ERO1A: variants seen among roughly 807,000 people sequenced by gnomAD.
ERO1A encodes endoplasmic reticulum oxidoreductase 1 alpha.
A neutral mutation model predicts 76.9 loss-of-function variants in ERO1A; 49 were observed. That is an observed-to-expected ratio of 0.64 (90% CI 0.51 to 0.81). The LOEUF is 0.81. ERO1A is among the 30% of genes least tolerant of loss of function. The pLI, the probability that ERO1A is intolerant of heterozygous loss-of-function variation, is 0.00. For missense variants in ERO1A, 448 were observed against 542.1 expected (o/e 0.83, Z 1.72); for synonymous variants, 174 against 181.2 (o/e 0.96, Z 0.32).
At chr14:52,664,678 T>G (rs1266935933) in intron 7 of ERO1A, among the ~76,000 whole-genome samples, 3 of 152,148 alleles carry the variant, frequency 2.0e-5, no homozygotes, top group Non-Finnish European at 2.9e-5. Flanking sequence ...CTTTTATTAT[T>G]TTTCTTTGAG....
chr14:52,695,279 C>T (rs189401863), intron 1 of ERO1A, 89 bp downstream of exon 1: 1 of 873,946 alleles, frequency 1.1e-6, no homozygotes, highest in Non-Finnish European at 1.5e-6. Flanking sequence ...CAAGGACGCA[C>T]CCCCAGCCGC....
chr14:52,670,375 G>GC (rs1456807809), intron 6 of ERO1A, among the ~76,000 whole-genome samples: 2 of 152,136 alleles, frequency 1.3e-5, no homozygotes, highest in African/African-American at 4.8e-5. Context: ...GATCAGAGTT[G>GC]TTTTTTTGGT....
chr14:52,677,658 T>C (rs1206597180), intron 4 of ERO1A, among the ~76,000 whole-genome samples: 1 of 149,556 alleles, frequency 6.7e-6, no homozygotes, highest in African/African-American at 2.5e-5. Context: ...TGGTCAGGAG[T>C]TTCCACCCTG....
chr14:52,658,916 G>A (rs2040140152), intron 9 of ERO1A, among the ~76,000 whole-genome samples: 1 of 152,120 alleles, frequency 6.6e-6, no homozygotes, highest in Non-Finnish European at 1.5e-5. Context: ...CTACAGAGAT[G>A]ATAAACACTG....
chr14:52,666,832 G>A (rs2040428853), intron 6 of ERO1A, among the ~76,000 whole-genome samples: 1 of 152,194 alleles, frequency 6.6e-6, no homozygotes, highest in South Asian at 2.1e-4. Context: ...TCGAGAGGCT[G>A]CAACAGGAGA....
intron 8 of ERO1A, among the ~76,000 whole-genome samples, chr14:52,663,040 T>A (rs941504265): frequency 3.3e-5 from 5 of 152,142 alleles, no homozygotes; most frequent in Admixed American, 2.0e-4. Flanking sequence ...GAAAGTTTTA[T>A]GGAAAAAGCA....
At chr14:52,682,291 T>G in intron 3 of ERO1A, 34 bp downstream of exon 3, 1 of 1,429,614 alleles carries the variant, frequency 7.0e-7, no homozygotes, top group Non-Finnish European at 9.6e-7. Flanking sequence ...TGAAAAAACA[T>G]GTAACAGTTT....
At chr14:52,678,055 C>T (rs921946787) in intron 4 of ERO1A, among the ~76,000 whole-genome samples, 5 of 151,934 alleles carry the variant, frequency 3.3e-5, no homozygotes, top group Non-Finnish European at 7.4e-5. Context: ...CACCAGAGGT[C>T]GGCAATTCGA....
At chr14:52,645,974 C>T (rs188345505) in intron 15 of ERO1A, among the ~76,000 whole-genome samples, 180 bp downstream of exon 15, 4 of 152,040 alleles carry the variant, frequency 2.6e-5, no homozygotes, top group Admixed American at 6.6e-5. Context: ...AGGTGGAGGT[C>T]GCAGTGAGCC....
At chr14:52,649,246 C>T (rs926509698) in intron 13 of ERO1A, among the ~76,000 whole-genome samples, 4 of 152,122 alleles carry the variant, frequency 2.6e-5, no homozygotes, top group Non-Finnish European at 4.4e-5. Context: ...AAATACTTTA[C>T]AAGTCTTCAA....
chr14:52,647,439 C>G (rs1047610427), intron 13 of ERO1A, among the ~76,000 whole-genome samples: 13 of 151,742 alleles, frequency 8.6e-5, no homozygotes, highest in African/African-American at 3.2e-4. Flanking sequence ...TGCCACATAC[C>G]CACTACCAAG....
At chr14:52,649,776 G>A (rs1240036436) in intron 13 of ERO1A, among the ~76,000 whole-genome samples, 2 of 152,104 alleles carry the variant, frequency 1.3e-5, no homozygotes, top group Non-Finnish European at 2.9e-5. Flanking sequence ...GTATGTATTT[G>A]TAGCAAGAAT....
At chr14:52,665,182 G>A (rs994871015) in intron 7 of ERO1A, among the ~76,000 whole-genome samples, 26 of 151,136 alleles carry the variant, frequency 1.7e-4, no homozygotes, top group South Asian at 4.2e-4. Flanking sequence ...TGTGCCTGTA[G>A]TCCCAGCTAC....
rs113182916 is a variant in ERO1A, at chr14:52,660,638, A to G, written c.688+655T>C. On this transcript the variant is annotated intron_variant, in intron 9 of 15. Coordinates refer to ENST00000395686, the MANE Select transcript of ERO1A (RefSeq NM_014584.3). ...TTTAGACATAATGCAAAAGCAATTC[A>G]TAAGAATTATGTTCAGAAAATAGAG... 6.1e-3 allele frequency among the ~76,000 whole-genome samples: 937 copies of G among 152,366 alleles called. 9 individuals carry two copies. The highest frequency in any genetic ancestry group is 0.022 in the African/African-American group (895 of 41,596).
chr14:52,675,585 T>C (rs2040757958), intron 4 of ERO1A, among the ~76,000 whole-genome samples: 1 of 152,212 alleles, frequency 6.6e-6, no homozygotes, highest in Admixed American at 6.5e-5. Context: ...GTTAAATTGT[T>C]ATCTTTAGAC....
intron 2 of ERO1A, among the ~76,000 whole-genome samples, chr14:52,683,379 C>T (rs958550782): frequency 6.6e-6 from 1 of 152,154 alleles, no homozygotes; most frequent in Non-Finnish European, 1.5e-5. Flanking sequence ...TTTCTAAACT[C>T]TTCTAGTAGA....
chr14:52,648,558 T>C (rs1465500610), intron 13 of ERO1A, among the ~76,000 whole-genome samples: 1 of 151,706 alleles, frequency 6.6e-6, no homozygotes, highest in African/African-American at 2.4e-5. Flanking sequence ...ACACAACTTT[T>C]ACTTTTAAAG....
rs1342448658 is a variant in ERO1A, at chr14:52,653,267, T to G, written c.857A>C (p.Gln286Pro). ...TTCAGTCAAAATTCCATCAAATCGC[T>G]GTTGAAATTCTGTAATGTTGTGTCC... is the stretch of plus-strand genomic sequence containing the variant. ...KWGHNITEFQ[Q>P]RFDGILTEGE... Residue 286 changes from glutamine (Q) to proline (P), a missense_variant, in exon 12 of 16, where the codon CAG becomes CCG. Transcript: ENST00000395686. 2 of 1,612,458 alleles carry G rather than the reference T, an allele frequency of 1.2e-6. No individual in the cohort carries two copies. Among genetic ancestry groups the G allele is most frequent in the African/African-American group, 2.7e-5 (2 of 74,894 alleles).
At chr14:52,693,316 G>A (rs775479603) in intron 1 of ERO1A, among the ~76,000 whole-genome samples, 33 of 151,994 alleles carry the variant, frequency 2.2e-4, no homozygotes, top group African/African-American at 6.8e-4. Context: ...GCAGAAAAAC[G>A]TGAGAGACTG....
Sources: gnomAD v4.1 joint callset for allele counts (sites outside exome capture counted in the v4.1 genomes callset) on GRCh38, gnomAD v4.1.1 for gene constraint, MANE v1.5 for transcripts, NCBI Gene and HGNC (gene_info 2026-07-23, HGNC 2026-07-21) for gene names.